SYNGR1: variants seen among roughly 807,000 people sequenced by gnomAD.
SYNGR1 encodes synaptogyrin 1.
In SYNGR1, 14 loss-of-function variants were observed where a neutral mutation model predicts 26.1. That is an observed-to-expected ratio of 0.54 (90% CI 0.35 to 0.84). The LOEUF is 0.84. Ranked by LOEUF, SYNGR1 falls within the 40% of genes least tolerant of loss-of-function variation. SYNGR1 has a pLI of 0.01. For missense variants in SYNGR1, 319 were observed against 332.9 expected (o/e 0.96, Z 0.33); for synonymous variants, 141 against 150.1 (o/e 0.94, Z 0.44).
At position 39,360,397 on chromosome 22, in the gene SYNGR1, C is replaced by T. The variant is rs578004638; in HGVS notation, c.99+10288C>T. ...AGGGTTTCTTCTGCGGTCTCCCACA[C>T]GCACTCCCCACGGGCTCTCTCGCCC... On this transcript the variant is annotated intron_variant, in intron 1 of 3. Transcript: ENST00000328933. 9.2e-5 allele frequency among the ~76,000 whole-genome samples: 14 copies of T among 152,294 alleles called. No individual in the cohort carries two copies. The South Asian group carries it at 2.3e-3, about 25-fold the overall frequency.
chr22:39,365,746 G>A (rs1029779190), intron 1 of SYNGR1, among the ~76,000 whole-genome samples: 1 of 152,142 alleles, frequency 6.6e-6, no homozygotes, highest in African/African-American at 2.4e-5. Context: ...CAGGCTGCAA[G>A]GGATGTGGCA....
Position 39,350,105 on chromosome 22 carries a change from CTT to C in SYNGR1, c.96_97del (p.Trp33AlafsTer241). On this transcript the variant is annotated frameshift_variant and splice_region_variant, in exon 1 of 4. Coordinates refer to ENST00000328933, the MANE Select transcript of SYNGR1 (RefSeq NM_004711.5). LOFTEE classifies it high-confidence loss of function. The surrounding 1 kb of genome is among the most constrained non-coding windows in gnomAD (Gnocchi z 4.3). ...CCGCACACCATCCTGCGCGTCGTGT[CTT>C]GGGTAAGGACGGACTGGCCGACGGC... 1 of 1,461,520 alleles carries C rather than the reference CTT, an allele frequency of 6.8e-7. No individual in the cohort carries two copies. The highest frequency in any genetic ancestry group is 9.1e-7 in the Non-Finnish European group (1 of 1,093,794). 90.5% of individuals were successfully genotyped at this position (1,461,520 alleles called of 1,614,324 possible).
intron 3 of SYNGR1, chr22:39,377,199 GTCTTTT>G: frequency 1.4e-6 from 2 of 1,439,724 alleles, no homozygotes; most frequent in East Asian, 5.0e-5. Flanking sequence ...CCGGGTTGAC[GTCTTTT>G]TCTTTTTGAG....
At chr22:39,355,218 C>G (rs954375871) in intron 1 of SYNGR1, among the ~76,000 whole-genome samples, 3 of 151,904 alleles carry the variant, frequency 2.0e-5, no homozygotes, top group African/African-American at 7.3e-5. Flanking sequence ...TGGACTTCCT[C>G]TGAGGGCAGT....
Position 39,364,309 on chromosome 22 carries a change from T to TTTAC in SYNGR1, c.100-10007_100-10006insTTAC, listed in dbSNP as rs75692937. 19,608 of 1,613,948 alleles carry TTTAC rather than the reference T, an allele frequency of 0.012. 2,007 individuals carry two copies. In the African/African-American group the frequency reaches 0.23, roughly 19 times the overall value. ...GCCCGGATGTGAGGCAGGTTCCCCA[T>TTTAC]CTGCTGTGGGTCAGCGAGAGGCAGG... On this transcript the variant is annotated intron_variant, in intron 1 of 3. Coordinates refer to ENST00000328933, the MANE Select transcript of SYNGR1 (RefSeq NM_004711.5).
rs6001565 is a variant in SYNGR1 at position 39,377,093 on chromosome 22, G to C, written c.483+896G>C. 13,044 of 1,548,482 alleles carry C rather than the reference G, an allele frequency of 8.4e-3. 893 individuals carry two copies. In the African/African-American group the frequency reaches 0.16, roughly 18 times the overall value. The stretch of plus-strand genomic sequence containing the variant: ...CCCACAGCTGCCTCCCCTCTGGACC[G>C]GCGAGCACTTCTGGGCCCAGCCTCC... On this transcript the variant is annotated intron_variant, in intron 3 of 3. Coordinates refer to ENST00000328933, the MANE Select transcript of SYNGR1 (RefSeq NM_004711.5).
chr22:39,357,552 G>A (rs1924202226), intron 1 of SYNGR1, among the ~76,000 whole-genome samples: 1 of 152,154 alleles, frequency 6.6e-6, no homozygotes, highest in South Asian at 2.1e-4. Context: ...GGCGCGAGCG[G>A]GAACCGGGGC....
chr22:39,365,738 G>C (rs1924714547), intron 1 of SYNGR1, among the ~76,000 whole-genome samples: 1 of 152,102 alleles, frequency 6.6e-6, no homozygotes, highest in South Asian at 2.1e-4. Context: ...TGGACCAGCA[G>C]GCTGCAAGGG....
At chr22:39,374,073 T>C (rs1925153521) in intron 1 of SYNGR1, among the ~76,000 whole-genome samples, 1 of 152,054 alleles carries the variant, frequency 6.6e-6, no homozygotes, top group South Asian at 2.1e-4. Context: ...GGGCCACATC[T>C]ATGGTCAGAG....
chr22:39,368,634 C>T (rs910258531), intron 1 of SYNGR1, among the ~76,000 whole-genome samples: 2 of 152,198 alleles, frequency 1.3e-5, no homozygotes, highest in Admixed American at 1.3e-4. Flanking sequence ...CCTCTGTCTC[C>T]CAAGAGAGCC....
At chr22:39,351,444 T>G (rs1368224542) in intron 1 of SYNGR1, among the ~76,000 whole-genome samples, 1 of 152,258 alleles carries the variant, frequency 6.6e-6, no homozygotes, top group Non-Finnish European at 1.5e-5. Context: ...TGTCGGTGCC[T>G]GCACAGAGCC....
chr22:39,352,407 C>T (rs1049267266), intron 1 of SYNGR1, among the ~76,000 whole-genome samples: 7 of 152,076 alleles, frequency 4.6e-5, no homozygotes, highest in African/African-American at 1.7e-4. Flanking sequence ...GATGGTTGCA[C>T]GGTAGGAATG....
Position 39,350,942 on chromosome 22 carries a change from C to G in SYNGR1, c.99+833C>G, listed in dbSNP as rs1923879110. 6.6e-6 allele frequency among the ~76,000 whole-genome samples: 1 copy of G among 152,160 alleles called. No homozygotes were observed. The highest frequency in any genetic ancestry group is 2.1e-4 in the South Asian group (1 of 4,822). On this transcript the variant is annotated intron_variant, in intron 1 of 3. Transcript: ENST00000328933. The surrounding 1 kb of genome is among the most constrained non-coding windows in gnomAD (Gnocchi z 4.3). ...TGAAGAGGCCAGGGTGGCCTCCAGC[C>G]TAGCTGGGGGGCAGGGTCCTCAGTG...
intron 1 of SYNGR1, among the ~76,000 whole-genome samples, chr22:39,368,428 G>T (rs911412699): frequency 1.3e-5 from 2 of 152,182 alleles, no homozygotes; most frequent in African/African-American, 4.8e-5. Flanking sequence ...CTGAATTACC[G>T]CCTGGTGCCC....
At chr22:39,362,421 T>G (rs1000839721) in intron 1 of SYNGR1, among the ~76,000 whole-genome samples, 2 of 149,328 alleles carry the variant, frequency 1.3e-5, no homozygotes, top group Non-Finnish European at 3.0e-5. Context: ...TGAGGCGGGG[T>G]GGGGGAGGGG....
At chr22:39,360,454 C>G (rs1355832223) in intron 1 of SYNGR1, among the ~76,000 whole-genome samples, 1 of 152,170 alleles carries the variant, frequency 6.6e-6, no homozygotes, top group Non-Finnish European at 1.5e-5. Context: ...TCATTCCTGA[C>G]CTTCACATTG....
intron 1 of SYNGR1, among the ~76,000 whole-genome samples, chr22:39,360,553 G>A (rs945093030): frequency 7.2e-5 from 11 of 152,244 alleles, no homozygotes; most frequent in South Asian, 4.1e-4. Context: ...GAATCCAAAC[G>A]GCTGCAGAAT....
At chr22:39,378,325 C>T in intron 3 of SYNGR1, 2 of 970,792 alleles carry the variant, frequency 2.1e-6, no homozygotes, top group Non-Finnish European at 2.5e-6. Context: ...GAAACAAAGG[C>T]CAGCCCAGGG....
Position 39,382,063 on chromosome 22 carries a change from G to C in SYNGR1, c.*149G>C. 1.2e-6 allele frequency: 1 copy of C among 818,380 alleles called. No homozygotes were observed. The highest frequency in any genetic ancestry group is 2.0e-6 in the Non-Finnish European group (1 of 504,736). 50.7% of individuals were successfully genotyped at this position (818,380 alleles called of 1,614,324 possible). A position where few individuals can be genotyped will look rare whatever the true frequency, so the allele number is the denominator to read the frequency against. ...CAGGGTAGCTCGGGGCAGGGGTGGG[G>C]CAGTCCAGTGTTGGGGACTGTCTAC... On this transcript the variant is annotated 3_prime_UTR_variant, in exon 4 of 4. Coordinates refer to ENST00000328933, the MANE Select transcript of SYNGR1 (RefSeq NM_004711.5).
Sources: gnomAD v4.1 joint callset for allele counts (sites outside exome capture counted in the v4.1 genomes callset) on GRCh38, gnomAD v4.1.1 for gene constraint, Gnocchi (gnomAD v3.1) non-coding constraint, MANE v1.5 for transcripts, NCBI Gene and HGNC (gene_info 2026-07-23, HGNC 2026-07-21) for gene names.